The following EGFL6 variants were observed in gnomAD, a reference collection of about 807,000 sequenced individuals.
The protein encoded by EGFL6 is EGF like domain multiple 6, also known as epidermal growth factor-like protein 6.
EGFL6 carries 42 observed loss-of-function variants against 43.1 expected under a neutral mutation model. That is an observed-to-expected ratio of 0.98 (90% CI 0.76 to 1.26). EGFL6 has a LOEUF of 1.26. Among genes scored for constraint, EGFL6 ranks in the 50% most tolerant of loss-of-function variants. The pLI is 0.00. For missense variants in EGFL6, 429 were observed against 427.8 expected (o/e 1.00, Z -0.02); for synonymous variants, 164 against 163.2 (o/e 1.01, Z -0.04).
At chrX:13,575,379 G>T (rs959351291) in intron 1 of EGFL6, among the ~76,000 whole-genome samples, 1 of 111,901 alleles carries the variant, frequency 8.9e-6, no homozygotes, top group Non-Finnish European at 1.9e-5. Context: ...GTGGTGAGCT[G>T]AGATCATGCC....
intron 10 of EGFL6, among the ~76,000 whole-genome samples, chrX:13,625,893 A>C (rs2045776999): frequency 1.4e-5 from 1 of 72,665 alleles, no homozygotes; most frequent in Non-Finnish European, 2.8e-5. Context: ...CTCAAAAAAA[A>C]AAAAAAAAAA....
intron 9 of EGFL6, among the ~76,000 whole-genome samples, chrX:13,621,623 T>C (rs1215519778): frequency 8.9e-6 from 1 of 112,153 alleles, no homozygotes; most frequent in East Asian, 2.8e-4. Context: ...CCATCACTGG[T>C]TGAGGGCTGT....
In EGFL6 at chrX:13,589,663, G is replaced by C; in HGVS notation, c.182G>C (p.Cys61Ser). ...TGGAGAAGAAACAGCAAGGGAGTCT[G>C]TGAAGGTAATTTTGTAAAAACTCAG... ...YGWRRNSKGV[C>S]EATCEPGCKF... Residue 61 changes from cysteine to serine, a missense_variant, in exon 2 of 12, where the codon TGT becomes TCT. Cys to Ser is a moderately radical substitution (Grantham distance 112). Transcript: ENST00000361306. 1.7e-6 allele frequency: 2 copies of C among 1,207,447 alleles called. No individual in the cohort carries two copies. Among genetic ancestry groups the C allele is most frequent in the Non-Finnish European group, 2.2e-6 (2 of 892,435 alleles).
intron 7 of EGFL6, among the ~76,000 whole-genome samples, chrX:13,612,691 G>T (rs913279038): frequency 7.2e-4 from 80 of 110,991 alleles, no homozygotes; most frequent in African/African-American, 2.6e-3. Context: ...CCACCTCCCG[G>T]ACGGGGTGGC....
chrX:13,610,078 C>T (rs924283720), intron 7 of EGFL6, among the ~76,000 whole-genome samples: 1 of 111,681 alleles, frequency 9.0e-6, no homozygotes, highest in African/African-American at 3.3e-5. Context: ...TCACAGTACC[C>T]CAGTGGGCTA....
At chrX:13,631,085 A>T (rs2045808248) in intron 11 of EGFL6, among the ~76,000 whole-genome samples, 1 of 112,769 alleles carries the variant, frequency 8.9e-6, no homozygotes, top group Non-Finnish European at 1.9e-5. Context: ...ATTTTTATTT[A>T]TCTGTAACTG....
At chrX:13,601,530 T>A (rs1335839939) in intron 4 of EGFL6, among the ~76,000 whole-genome samples, 5 of 111,425 alleles carry the variant, frequency 4.5e-5, no homozygotes, top group African/African-American at 1.6e-4. Context: ...GCCAGCTTCC[T>A]GTGGTTGCGG....
At chrX:13,616,917 C>T (rs1003740830) in intron 7 of EGFL6, among the ~76,000 whole-genome samples, 3 of 99,794 alleles carry the variant, frequency 3.0e-5, no homozygotes, top group Non-Finnish European at 4.0e-5. Flanking sequence ...GGCCGGACTG[C>T]GGACTGCAGT....
At chrX:13,599,215 T>C (rs2045618899) in intron 3 of EGFL6, among the ~76,000 whole-genome samples, 1 of 110,917 alleles carries the variant, frequency 9.0e-6, no homozygotes, top group African/African-American at 3.3e-5. Context: ...AAATTATTGT[T>C]CAAGTAGTAT....
rs1377251200 is a variant in EGFL6, at chrX:13,627,139, G to A, written c.1414G>A (p.Gly472Arg). The change falls in exon 11 of 12, where the codon GGA (glycine) becomes AGA (arginine). Residue 472 changes from glycine (G) to arginine (R), a missense_variant. Coordinates refer to ENST00000361306, the MANE Select transcript of EGFL6 (RefSeq NM_015507.4). ...TTTGCTCTTTGATTACCGGCTGGCC[G>A]GAGACAAAGTCGGGAAACTTCGAGT... Reference protein sequence around the residue: ...FCLLFDYRLAGDKVGKLRVFV... With the variant: ...FCLLFDYRLARDKVGKLRVFV... 3.2e-5 allele frequency: 39 copies of A among 1,210,644 alleles called. No homozygotes were observed. Among genetic ancestry groups the A allele is most frequent in the Non-Finnish European group, 3.7e-5 (33 of 895,450 alleles).
chrX:13,598,922 A>G (rs2045616859), intron 3 of EGFL6, among the ~76,000 whole-genome samples: 1 of 104,831 alleles, frequency 9.5e-6, no homozygotes, highest in Non-Finnish European at 1.9e-5. Flanking sequence ...TTTCATATAT[A>G]TAATTCACAT....
At chrX:13,583,775 C>T (rs1490279221) in intron 1 of EGFL6, among the ~76,000 whole-genome samples, 1 of 111,708 alleles carries the variant, frequency 9.0e-6, no homozygotes, top group African/African-American at 3.3e-5. Context: ...TGAGGATGTG[C>T]CTCGCAGACA....
At chrX:13,587,999 C>T (rs1332254586) in intron 1 of EGFL6, among the ~76,000 whole-genome samples, 1 of 111,887 alleles carries the variant, frequency 8.9e-6, no homozygotes, top group African/African-American at 3.2e-5. Flanking sequence ...AGATAAAGAC[C>T]ATTGTTAAAT....
At chrX:13,591,158 A>G (rs900492400) in intron 2 of EGFL6, among the ~76,000 whole-genome samples, 6 of 112,041 alleles carry the variant, frequency 5.4e-5, no homozygotes, top group Admixed American at 3.8e-4. Context: ...TCATTAAAGC[A>G]CCAGGTGATG....
chrX:13,597,332 G>A (rs1316189326), intron 3 of EGFL6, among the ~76,000 whole-genome samples: 1 of 111,719 alleles, frequency 9.0e-6, no homozygotes, highest in Non-Finnish European at 1.9e-5. Flanking sequence ...AAGCCCAGAG[G>A]TTAGCCCCAT....
intron 3 of EGFL6, among the ~76,000 whole-genome samples, chrX:13,598,876 T>G (rs868487937): frequency 3.9e-5 from 4 of 103,732 alleles, no homozygotes; most frequent in Non-Finnish European, 5.8e-5. Context: ...ATATATTTCA[T>G]ATATATAATT....
At chrX:13,578,715 T>C (rs1179480940) in intron 1 of EGFL6, among the ~76,000 whole-genome samples, 2 of 108,543 alleles carry the variant, frequency 1.8e-5, no homozygotes, top group African/African-American at 3.4e-5. Flanking sequence ...CACTCATAGG[T>C]GGGAATTGAA....
Position 13,633,271 on chromosome X carries a change from A to T in EGFL6, c.*176A>T, listed in dbSNP as rs2045823856. ...TATGCCAATATTTGCTTTAAATATC[A>T]TATCACTGTATCTTCTCAGTCATTT... On this transcript the variant is annotated 3_prime_UTR_variant, in exon 12 of 12. Transcript: ENST00000361306. The T allele has an allele frequency of 2.6e-6, 1 of 383,904 alleles. No homozygotes were observed. The highest frequency in any genetic ancestry group is 2.6e-5 in the African/African-American group (1 of 38,113). The allele number at this position is 383,904 out of a possible 1,213,427, so 31.6% of individuals were successfully genotyped here.
At chrX:13,606,133 A>G (rs1218421277) in intron 5 of EGFL6, among the ~76,000 whole-genome samples, 1 of 111,993 alleles carries the variant, frequency 8.9e-6, no homozygotes, top group African/African-American at 3.2e-5. Context: ...GAAGATGTGA[A>G]TGTAAGTAAT....
Sources: gnomAD v4.1 joint callset for allele counts (sites outside exome capture counted in the v4.1 genomes callset) on GRCh38, gnomAD v4.1.1 for gene constraint, MANE v1.5 for transcripts, NCBI Gene and HGNC (gene_info 2026-07-23, HGNC 2026-07-21) for gene names.